Variants in ARHGAP40 observed in about 807,000 individuals in gnomAD.
ARHGAP40 encodes the protein rho GTPase-activating protein 40.
ARHGAP40 carries 43 observed loss-of-function variants against 73.5 expected under a neutral mutation model. That is an observed-to-expected ratio of 0.58 (90% CI 0.46 to 0.75). The LOEUF (loss-of-function observed/expected upper bound fraction) is 0.75. Among genes scored for constraint, ARHGAP40 ranks in the 30% least tolerant of loss-of-function variants. The pLI is 0.00. For missense variants in ARHGAP40, 734 were observed against 861.8 expected (o/e 0.85, Z 1.86); for synonymous variants, 300 against 352.8 (o/e 0.85, Z 1.68).
intron 1 of ARHGAP40, chr20:38,615,459 G>A (rs573224543): frequency 6.5e-5 from 45 of 697,466 alleles, no homozygotes; most frequent in East Asian, 2.9e-4. Context: ...CCAGGAACTC[G>A]ACCTCGGCCA....
intron 1 of ARHGAP40, chr20:38,614,819 A>G (rs559247990): frequency 4.3e-4 from 315 of 730,386 alleles, no homozygotes; most frequent in Non-Finnish European, 7.0e-4. Flanking sequence ...TTTTTCATGC[A>G]TTCAAAAGTG....
intron 1 of ARHGAP40, among the ~76,000 whole-genome samples, chr20:38,617,287 G>GGC (rs1601136702): frequency 6.6e-6 from 1 of 152,320 alleles, no homozygotes; most frequent in East Asian, 1.9e-4. Flanking sequence ...TCGCTGAGCA[G>GGC]GCTCTTGCTT....
chr20:38,647,838 A>C (rs774008601), intron 13 of ARHGAP40, among the ~76,000 whole-genome samples: 1 of 152,266 alleles, frequency 6.6e-6, no homozygotes, highest in Non-Finnish European at 1.5e-5. Flanking sequence ...ATTAGGTTTC[A>C]TAAGAAATGC....
chr20:38,648,227 T>C (rs915159407), intron 13 of ARHGAP40, among the ~76,000 whole-genome samples: 10 of 152,262 alleles, frequency 6.6e-5, no homozygotes, highest in African/African-American at 1.7e-4. Context: ...CATATAATAA[T>C]TGTGATTCTT....
intron 1 of ARHGAP40, among the ~76,000 whole-genome samples, chr20:38,619,811 G>A (rs552127351): frequency 1.3e-5 from 2 of 151,720 alleles, no homozygotes; most frequent in Non-Finnish European, 2.9e-5. Context: ...GTTTGGCCAG[G>A]CTTGATGGCT....
At chr20:38,604,656 A>C (rs1407126702) in intron 1 of ARHGAP40, among the ~76,000 whole-genome samples, 8 of 152,090 alleles carry the variant, frequency 5.3e-5, no homozygotes, top group African/African-American at 1.4e-4. Context: ...AGCCTCCCAA[A>C]GTGCTGGGAT....
intron 5 of ARHGAP40, among the ~76,000 whole-genome samples, chr20:38,634,200 A>G (rs142482486): frequency 6.6e-6 from 1 of 152,174 alleles, no homozygotes; most frequent in African/African-American, 2.4e-5. Context: ...AAACATACAA[A>G]GATTAGCCAG....
intron 3 of ARHGAP40, among the ~76,000 whole-genome samples, chr20:38,627,417 G>T (rs1313060873): frequency 2.8e-5 from 3 of 108,648 alleles, no homozygotes; most frequent in Non-Finnish European, 6.4e-5. Context: ...TATGTGTGTT[G>T]GGGGTGTGTG....
chr20:38,603,558 T>C (rs1417954602), intron 1 of ARHGAP40, among the ~76,000 whole-genome samples: 2 of 151,468 alleles, frequency 1.3e-5, no homozygotes, highest in Non-Finnish European at 2.9e-5. Context: ...ATTGCTGCTA[T>C]AACAAATCAC....
At chr20:38,613,567 G>A (rs2088816410) in intron 1 of ARHGAP40, among the ~76,000 whole-genome samples, 1 of 152,076 alleles carries the variant, frequency 6.6e-6, no homozygotes, top group Non-Finnish European at 1.5e-5. Flanking sequence ...CCATGGGCAG[G>A]GTGGAGAAGC....
rs376113301 is a variant in ARHGAP40, at chr20:38,615,287, G to A, written c.138-8072G>A. 559 of 772,642 alleles carry A rather than the reference G, an allele frequency of 7.2e-4. 4 individuals carry two copies. In the African/African-American group the frequency reaches 8.3e-3, roughly 12 times the overall value. 47.9% of individuals were successfully genotyped at this position (772,642 alleles called of 1,614,324 possible). ...CAACTTTTCTATGTTCATCCACTCC[G>A]GAGGGAGCAGTCGACATTTCTGCTT... On this transcript the variant is annotated intron_variant, in intron 1 of 14. Coordinates refer to ENST00000373345, the Ensembl canonical transcript of ARHGAP40.
chr20:38,647,228 C>A, intron 13 of ARHGAP40, 102 bp downstream of exon 13: 1 of 1,046,406 alleles, frequency 9.6e-7, no homozygotes, highest in Non-Finnish European at 1.2e-6. Flanking sequence ...GTTGGCCTGA[C>A]CTGGCCTTCC....
In ARHGAP40 at chr20:38,641,246, T is replaced by C. The variant is rs911434217; in HGVS notation, c.1280-480T>C. 3.3e-5 allele frequency among the ~76,000 whole-genome samples: 5 copies of C among 152,148 alleles called. No homozygotes were observed. The South Asian group carries it at 6.2e-4, about 19-fold the overall frequency. ...TGTCTGGCTCTGATGAACTCCTTCT[T>C]TGAATCTATAACTACTACCTCCTCC... is the stretch of plus-strand genomic sequence containing the variant. On this transcript the variant is annotated intron_variant, in intron 9 of 14. Coordinates refer to ENST00000373345, the Ensembl canonical transcript of ARHGAP40.
chr20:38,608,011 T>C (rs2088782028), intron 1 of ARHGAP40, among the ~76,000 whole-genome samples: 1 of 152,184 alleles, frequency 6.6e-6, no homozygotes. Context: ...TTGTTGCAGA[T>C]ATTTCCTCTC....
chr20:38,614,900 AC>A, intron 1 of ARHGAP40: 2 of 1,338,324 alleles, frequency 1.5e-6, no homozygotes, highest in Non-Finnish European at 2.1e-6. Flanking sequence ...AGCTGCCTGC[AC>A]CAGGCCTTTC....
chr20:38,602,093 G>A lies in ARHGAP40; in HGVS notation c.137+14G>A, dbSNP rs1231224619. On this transcript the variant is annotated intron_variant, in intron 1 of 14. Transcript: ENST00000373345. ...CCTGGGCTGCAGGTACAGGGGTCAC[G>A]GGAGCGGGAGGGAAGTTGGCCCTAC... 1.1e-5 allele frequency: 14 copies of A among 1,271,452 alleles called. No individual in the cohort carries two copies. The highest frequency in any genetic ancestry group is 3.1e-5 in the African/African-American group (2 of 65,222). The allele number at this position is 1,271,452 out of a possible 1,614,324, so 78.8% of individuals were successfully genotyped here.
intron 1 of ARHGAP40, among the ~76,000 whole-genome samples, chr20:38,619,550 G>A (rs2088863249): frequency 6.6e-6 from 1 of 150,858 alleles, no homozygotes; most frequent in Admixed American, 6.6e-5. Context: ...TCTGAGAGGG[G>A]CACAGTGTCT....
At chr20:38,634,146 G>T (rs115276204) in intron 5 of ARHGAP40, among the ~76,000 whole-genome samples, 3,561 of 152,200 alleles carry the variant, frequency 0.023, 131 homozygotes, top group African/African-American at 0.08. Flanking sequence ...GAGCCCAGGT[G>T]TCTGAGACCA....
chr20:38,607,515 A>G (rs1242415778), intron 1 of ARHGAP40, among the ~76,000 whole-genome samples: 1 of 152,192 alleles, frequency 6.6e-6, no homozygotes, highest in African/African-American at 2.4e-5. Flanking sequence ...AGCGAAGGGC[A>G]GGTCCCTTCG....
Sources: gnomAD v4.1 joint callset for allele counts (sites outside exome capture counted in the v4.1 genomes callset) on GRCh38, gnomAD v4.1.1 for gene constraint, MANE v1.5 for transcripts, NCBI Gene and HGNC (gene_info 2026-07-23, HGNC 2026-07-21) for gene names.